CACNA1C: variants seen among roughly 807,000 people sequenced by gnomAD.
The protein encoded by CACNA1C is calcium voltage-gated channel subunit alpha1 C.
In CACNA1C, 30 loss-of-function variants were observed where a neutral mutation model predicts 229.0. The ratio of observed to expected loss-of-function variants is 0.13; its 90% CI spans 0.10 to 0.18. CACNA1C has a LOEUF of 0.18. Ranked by LOEUF, CACNA1C falls within the 10% of genes least tolerant of loss-of-function variation. The probability of loss-of-function intolerance (pLI) is 1.00; values close to 1 mark genes in which losing one functional copy is unlikely to be tolerated. For missense variants in CACNA1C, 1,658 were observed against 2,845.0 expected (o/e 0.58, Z 9.49); for synonymous variants, 1,114 against 1,132.5 (o/e 0.98, Z 0.33).
At chr12:2,450,938 C>T (rs1271143621) in intron 4 of CACNA1C, among the ~76,000 whole-genome samples, 1 of 152,182 alleles carries the variant, frequency 6.6e-6, no homozygotes, top group Non-Finnish European at 1.5e-5. Flanking sequence ...ACGTCGAGAT[C>T]ATTTGCAAGT....
At chr12:2,321,152 G>A (rs1004008805) in intron 3 of CACNA1C, among the ~76,000 whole-genome samples, 5 of 152,150 alleles carry the variant, frequency 3.3e-5, no homozygotes, top group African/African-American at 1.2e-4. Flanking sequence ...GTCACCTGCA[G>A]CTGGAACTGC....
At chr12:2,320,570 G>A (rs2095931179) in intron 3 of CACNA1C, among the ~76,000 whole-genome samples, 1 of 152,192 alleles carries the variant, frequency 6.6e-6, no homozygotes, top group African/African-American at 2.4e-5. Context: ...ATACCGTAAG[G>A]GGCTGGGAGC....
chr12:2,338,247 C>T (rs989874416), intron 3 of CACNA1C, among the ~76,000 whole-genome samples: 3 of 152,146 alleles, frequency 2.0e-5, no homozygotes, highest in Non-Finnish European at 4.4e-5. Flanking sequence ...TAGCAGCAAA[C>T]GTCTTCTGAA....
intron 3 of CACNA1C, among the ~76,000 whole-genome samples, chr12:2,204,455 A>G (rs1043106404): frequency 2.0e-5 from 3 of 151,546 alleles, no homozygotes; most frequent in Non-Finnish European, 4.4e-5. Flanking sequence ...ATATACCCAA[A>G]TGACTATAAA....
chr12:2,388,181 T>C (rs1594926342), intron 3 of CACNA1C, among the ~76,000 whole-genome samples: 1 of 152,206 alleles, frequency 6.6e-6, no homozygotes, highest in East Asian at 1.9e-4. Flanking sequence ...GAGTTTCTGT[T>C]GTAAAATGAG....
At position 2,346,287 on chromosome 12, in the gene CACNA1C, ATG is replaced by A. The variant is rs1180927906; in HGVS notation, c.478-102685_478-102684del. Among the ~76,000 whole-genome samples the A allele has an allele frequency of 6.6e-6, 1 of 151,032 alleles. No homozygotes were observed. Among genetic ancestry groups the A allele is most frequent in the Non-Finnish European group, 1.5e-5 (1 of 67,744 alleles). ...TCGTATGTGCCTGTGTCTCTATGTA[ATG>A]TGTTTGTGTGTACATTTCTGTGTGT... On this transcript the variant is annotated intron_variant, in intron 3 of 46. Coordinates refer to ENST00000399655, the MANE Select transcript of CACNA1C (RefSeq NM_000719.7). The surrounding 1 kb of genome is among the most constrained non-coding windows in gnomAD (Gnocchi z 4.4).
intron 5 of CACNA1C, among the ~76,000 whole-genome samples, chr12:2,458,297 G>A (rs1596916742): frequency 6.6e-6 from 1 of 152,272 alleles, no homozygotes; most frequent in East Asian, 1.9e-4. Flanking sequence ...TGAATCAGGG[G>A]AAGGGTTTGG....
chr12:2,471,784 G>A (rs928929576), intron 5 of CACNA1C, among the ~76,000 whole-genome samples: 11 of 152,140 alleles, frequency 7.2e-5, no homozygotes, highest in Non-Finnish European at 1.6e-4. Flanking sequence ...CTGGGTTCAA[G>A]CAATTCTCTG....
chr12:2,520,727 A>G (rs2099807901), intron 9 of CACNA1C, among the ~76,000 whole-genome samples: 3 of 134,918 alleles, frequency 2.2e-5, no homozygotes, highest in African/African-American at 3.2e-5. Context: ...CGTGTGCTTC[A>G]TAGGAGGGAA....
intron 9 of CACNA1C, among the ~76,000 whole-genome samples, chr12:2,542,768 C>A (rs1175839830): frequency 1.3e-5 from 2 of 152,120 alleles, no homozygotes; most frequent in African/African-American, 4.8e-5. Context: ...TAACTGGGCA[C>A]CTCTCTTGAG....
intron 1 of CACNA1C, chr12:1,998,017 T>C: frequency 3.9e-6 from 6 of 1,558,338 alleles, no homozygotes; most frequent in Non-Finnish European, 5.2e-6. Flanking sequence ...GTATGTTCTC[T>C]TCAATTCACA....
chr12:2,361,982 G>A (rs928147721), intron 3 of CACNA1C, among the ~76,000 whole-genome samples: 3 of 152,192 alleles, frequency 2.0e-5, no homozygotes, highest in South Asian at 2.1e-4. Flanking sequence ...CTTGAGTCTG[G>A]ATTTCCTAAT....
At position 2,067,903 on chromosome 12, in the gene CACNA1C, T is replaced by C. The variant is rs183931193; in HGVS notation, c.49+14292T>C. 1.6e-4 allele frequency among the ~76,000 whole-genome samples: 24 copies of C among 152,302 alleles called. No homozygotes were observed. The East Asian group carries it at 1.7e-3, about 11-fold the overall frequency. ...AAGCCCAGCTTCACAGCCTATGATA[T>C]TGGCTCTCTGGAGAACCGGTTAGCC... On this transcript the variant is annotated intron_variant, in intron 1 of 46. Transcript: ENST00000399655. This position sits in a 1 kb window ranked among gnomAD's most constrained non-coding sequence, Gnocchi z 5.3.
intron 3 of CACNA1C, among the ~76,000 whole-genome samples, chr12:2,336,272 A>C (rs2096692608): frequency 6.6e-6 from 1 of 152,218 alleles, no homozygotes; most frequent in South Asian, 2.1e-4. Flanking sequence ...TGGTCCATCT[A>C]CTTTGCCGAT....
chr12:2,101,001 CAAAA>C (rs551820516), intron 1 of CACNA1C, among the ~76,000 whole-genome samples: 1 of 72,298 alleles, frequency 1.4e-5, no homozygotes. Flanking sequence ...AGACCCATCT[CAAAA>C]AAAAAAAAAA....
intron 3 of CACNA1C, among the ~76,000 whole-genome samples, chr12:2,271,486 T>C (rs2084968651): frequency 6.6e-6 from 1 of 152,226 alleles, no homozygotes; most frequent in Non-Finnish European, 1.5e-5. Context: ...AGTCCTGGTG[T>C]TGCCACTTAC....
At chr12:2,685,082 G>A (rs1459649490) in intron 43 of CACNA1C, among the ~76,000 whole-genome samples, 1 of 152,170 alleles carries the variant, frequency 6.6e-6, no homozygotes, top group Non-Finnish European at 1.5e-5. Flanking sequence ...AGGGTGCAAC[G>A]CATGCACCGA....
At chr12:2,456,374 A>G (rs1237554737) in intron 4 of CACNA1C, among the ~76,000 whole-genome samples, 1 of 152,212 alleles carries the variant, frequency 6.6e-6, no homozygotes, top group Non-Finnish European at 1.5e-5. Context: ...CAACAGCAGA[A>G]TGATTCTTTT....
In CACNA1C at chr12:1,979,351, A is replaced by G. The variant is rs552605497; in HGVS notation, c.139+8150A>G. Among the ~76,000 whole-genome samples the G allele has an allele frequency of 3.4e-5, 5 of 147,450 alleles. No individual in the cohort carries two copies. The East Asian group carries it at 1.0e-3, about 31-fold the overall frequency. Reference sequence around the variant, plus strand: ...TGTCTTTGAGACGGAGTCTGGCTTCATCGCCCAGGCTGGAGTGCAGTGGTG... The same window carrying G: ...TGTCTTTGAGACGGAGTCTGGCTTCGTCGCCCAGGCTGGAGTGCAGTGGTG... On this transcript the variant is annotated intron_variant, in intron 1 of 46. Coordinates refer to the CACNA1C transcript ENST00000682462.
Sources: gnomAD v4.1 joint callset for allele counts (sites outside exome capture counted in the v4.1 genomes callset) on GRCh38, gnomAD v4.1.1 for gene constraint, Gnocchi (gnomAD v3.1) non-coding constraint, MANE v1.5 for transcripts, NCBI Gene and HGNC (gene_info 2026-07-23, HGNC 2026-07-21) for gene names.